Variants in USH2A observed in about 807,000 individuals in gnomAD.
USH2A encodes usherin.
USH2A carries 443 observed loss-of-function variants against 538.9 expected under a neutral mutation model. The ratio of observed to expected loss-of-function variants is 0.82; its 90% confidence interval spans 0.76 to 0.89. The LOEUF (loss-of-function observed/expected upper bound fraction) is 0.89. USH2A is among the 40% of genes least tolerant of loss of function. USH2A has a pLI of 0.00. For missense variants in USH2A, 6,633 were observed against 6,324.8 expected (o/e 1.05, Z -1.65); for synonymous variants, 2,413 against 2,273.5 (o/e 1.06, Z -1.75).
At chr1:216,405,031 T>G (rs1318842636) in intron 3 of USH2A, among the ~76,000 whole-genome samples, 1 of 152,060 alleles carries the variant, frequency 6.6e-6, no homozygotes, top group Non-Finnish European at 1.5e-5. Flanking sequence ...CACAGCACCA[T>G]GCCCAGCCAA....
chr1:216,421,450 G>A (rs2039674919), intron 2 of USH2A, among the ~76,000 whole-genome samples: 1 of 152,132 alleles, frequency 6.6e-6, no homozygotes, highest in South Asian at 2.1e-4. Context: ...TAATGAAAAT[G>A]TTATACCCTA....
In USH2A at chr1:215,690,146, T is replaced by G. The variant is rs540728967; in HGVS notation, c.12067-9770A>C. On this transcript the variant is annotated intron_variant, in intron 61 of 71. Transcript: ENST00000307340. ...TTGTCCTCATTCTCCTCTACTCCAA[T>G]CTGACTCTTCTTTCCAGCTGCTGAC... Among the ~76,000 whole-genome samples the G allele has an allele frequency of 1.4e-4, 22 of 152,298 alleles. No individual in the cohort carries two copies. The South Asian group carries it at 3.7e-3, about 26-fold the overall frequency.
intron 44 of USH2A, among the ~76,000 whole-genome samples, chr1:215,849,044 A>C (rs1663943746): frequency 1.3e-5 from 2 of 152,210 alleles, no homozygotes. Flanking sequence ...AGCTGAATGA[A>C]GAGGCAAGTA....
At chr1:215,654,357 C>T (rs766509069) in intron 64 of USH2A, among the ~76,000 whole-genome samples, 59 of 152,172 alleles carry the variant, frequency 3.9e-4, no homozygotes, top group Admixed American at 3.5e-3. Flanking sequence ...GTGTGATGTT[C>T]CCCTCCCTGT....
At chr1:216,309,288 TATAAC>T (rs2037377547) in intron 9 of USH2A, among the ~76,000 whole-genome samples, 1 of 152,198 alleles carries the variant, frequency 6.6e-6, no homozygotes, top group Non-Finnish European at 1.5e-5. Flanking sequence ...CTTTTTGAAA[TATAAC>T]ATAAAAATAT....
intron 21 of USH2A, among the ~76,000 whole-genome samples, chr1:216,152,664 G>T (rs1260467433): frequency 1.3e-5 from 2 of 152,144 alleles, no homozygotes; most frequent in Non-Finnish European, 2.9e-5. Context: ...CCTGTTTGGT[G>T]GTCTCTTCAC....
intron 30 of USH2A, among the ~76,000 whole-genome samples, chr1:216,065,186 A>G (rs1185447801): frequency 6.6e-6 from 1 of 152,240 alleles, no homozygotes; most frequent in Non-Finnish European, 1.5e-5. Context: ...ACATTGGTTT[A>G]CAATCTGTGG....
chr1:216,226,527 A>T (rs2035564719), intron 14 of USH2A, among the ~76,000 whole-genome samples: 1 of 152,154 alleles, frequency 6.6e-6, no homozygotes, highest in Non-Finnish European at 1.5e-5. Context: ...CTTGGACTAG[A>T]ACCACCCAAA....
chr1:215,988,023 CT>C (rs200412010), intron 35 of USH2A, among the ~76,000 whole-genome samples: 5 of 151,732 alleles, frequency 3.3e-5, no homozygotes, highest in African/African-American at 7.2e-5. Context: ...CTCTCTGTAT[CT>C]TTTTTTTATT....
intron 4 of USH2A, among the ~76,000 whole-genome samples, chr1:216,353,614 T>A (rs1297335786): frequency 1.3e-5 from 2 of 152,124 alleles, no homozygotes; most frequent in Non-Finnish European, 2.9e-5. Flanking sequence ...TGCACCTTTT[T>A]TGTTCAGAGT....
chr1:215,912,474 T>TATATATATATATAC (rs376298059), intron 38 of USH2A, among the ~76,000 whole-genome samples: 2 of 15,128 alleles, frequency 1.3e-4, no homozygotes, highest in African/African-American at 5.2e-4. Context: ...TATATATATA[T>TATATATATATATAC]ACGTATATAT....
intron 62 of USH2A, among the ~76,000 whole-genome samples, chr1:215,676,916 T>G (rs1658049942): frequency 6.6e-6 from 1 of 152,224 alleles, no homozygotes; most frequent in Non-Finnish European, 1.5e-5. Flanking sequence ...TGGTCTCACT[T>G]TAAACTTCTA....
At chr1:216,260,887 G>C (rs2036356969) in intron 11 of USH2A, among the ~76,000 whole-genome samples, 2 of 152,228 alleles carry the variant, frequency 1.3e-5, no homozygotes, top group South Asian at 4.1e-4. Flanking sequence ...AAAGCCGGGA[G>C]CCAGAGTTAT....
At chr1:215,630,406 ATATG>A (rs896619328) in intron 70 of USH2A, 4 of 386,524 alleles carry the variant, frequency 1.0e-5, no homozygotes, top group Non-Finnish European at 5.1e-6. Context: ...GCATATGTAT[ATATG>A]TGTGTGTATA....
chr1:216,406,717 T>G (rs904168443), intron 3 of USH2A, among the ~76,000 whole-genome samples: 11 of 152,138 alleles, frequency 7.2e-5, no homozygotes, highest in African/African-American at 2.7e-4. Flanking sequence ...CCCATAGATT[T>G]CATCTCATTT....
intron 37 of USH2A, among the ~76,000 whole-genome samples, chr1:215,959,739 G>A (rs1020987354): frequency 6.6e-6 from 1 of 152,064 alleles, no homozygotes; most frequent in African/African-American, 2.4e-5. Flanking sequence ...GGGATTAGGA[G>A]AAAGAGACAT....
rs767151300 is a variant in USH2A at position 215,759,774 on chromosome 1, T to A, written c.11117A>T (p.Glu3706Val). The change falls in exon 57 of 72, where the codon GAA becomes GTA. Residue 3706 changes from glutamate (E) to valine (V), a missense_variant. Glu to Val is a moderately radical substitution (Grantham distance 121). Coordinates refer to ENST00000307340, the MANE Select transcript of USH2A (RefSeq NM_206933.4). ...TTVELYWSLP[E>V]KPNGLVSQYQ... ...TTGAGAAACGAGGCCATTGGGCTTT[T>A]CTGGCAGACTCCAATATAATTCCAC... 6.2e-7 allele frequency: 1 copy of A among 1,614,088 alleles called. No homozygotes were observed. The highest frequency in any genetic ancestry group is 2.2e-5 in the East Asian group (1 of 44,860).
chr1:216,178,736 C>T (rs1421454440), intron 20 of USH2A, among the ~76,000 whole-genome samples: 1 of 152,104 alleles, frequency 6.6e-6, no homozygotes, highest in Non-Finnish European at 1.5e-5. Context: ...AGGAAATGTT[C>T]TAGGACTGTA....
chr1:215,788,951 A>AAAACAAAACAAAAC (rs1558098604), intron 51 of USH2A, among the ~76,000 whole-genome samples: 25 of 70,748 alleles, frequency 3.5e-4, no homozygotes, highest in African/African-American at 5.9e-4. Context: ...CAAAACAAAA[A>AAAACAAAACAAAAC]AACAGGGGAA....
Sources: allele counts gnomAD v4.1 joint callset (sites outside exome capture counted in the v4.1 genomes callset), GRCh38; gene constraint gnomAD v4.1.1; transcripts MANE v1.5; gene names NCBI Gene and HGNC (gene_info 2026-07-23, HGNC 2026-07-21).